Variants in GALNT13 observed in about 807,000 individuals in gnomAD.
GALNT13 encodes the protein UDP-GalNAc:polypeptide N-acetylgalactosaminyltransferase 13.
A neutral mutation model predicts 64.2 loss-of-function variants in GALNT13; 28 were observed. The ratio of observed to expected loss-of-function variants is 0.44; its 90% confidence interval spans 0.32 to 0.60. GALNT13 has a LOEUF of 0.60. GALNT13 is among the 20% of genes least tolerant of loss of function. The probability of loss-of-function intolerance (pLI) is 0.05; values close to 1 mark genes in which losing one functional copy is unlikely to be tolerated. For missense variants in GALNT13, 577 were observed against 669.8 expected (o/e 0.86, Z 1.53); for synonymous variants, 214 against 224.6 (o/e 0.95, Z 0.42).
chr2:153,131,588 G>A, the GALNT13 span, among the ~76,000 whole-genome samples: 2 of 152,102 alleles, frequency 1.3e-5, no homozygotes, highest in African/African-American at 4.8e-5. Flanking sequence ...TATATCCCAT[G>A]GGTGGAGCAC....
At chr2:153,952,345 TGTAA>T (rs1692253769) in intron 3 of GALNT13, among the ~76,000 whole-genome samples, 1 of 152,194 alleles carries the variant, frequency 6.6e-6, no homozygotes. Context: ...GGGCCTCAGT[TGTAA>T]TATGTAATAT....
At chr2:153,364,293 C>A in the GALNT13 span, among the ~76,000 whole-genome samples, 1 of 151,966 alleles carries the variant, frequency 6.6e-6, no homozygotes, top group African/African-American at 2.4e-5. Context: ...ACTGAATTGG[C>A]AAAACCTGGA....
At chr2:153,813,815 C>T in the GALNT13 span, among the ~76,000 whole-genome samples, 1 of 152,130 alleles carries the variant, frequency 6.6e-6, no homozygotes, top group South Asian at 2.1e-4. Flanking sequence ...TTATTTCTTA[C>T]AATTATATAG....
At chr2:153,580,315 A>C in the GALNT13 span, among the ~76,000 whole-genome samples, 1 of 152,228 alleles carries the variant, frequency 6.6e-6, no homozygotes, top group Admixed American at 6.5e-5. Context: ...CAACTTGAGC[A>C]AACATTTTCT....
chr2:153,457,066 A>G, the GALNT13 span, among the ~76,000 whole-genome samples: 1 of 152,196 alleles, frequency 6.6e-6, no homozygotes, highest in African/African-American at 2.4e-5. Context: ...TACTTTGAGC[A>G]AGTGCTGACT....
At chr2:153,757,110 C>T in the GALNT13 span, among the ~76,000 whole-genome samples, 1 of 152,060 alleles carries the variant, frequency 6.6e-6, no homozygotes, top group African/African-American at 2.4e-5. Flanking sequence ...ACATAACCAT[C>T]ACCTCAAAAA....
At chr2:153,930,405 G>T (rs1006706258) in intron 2 of GALNT13, among the ~76,000 whole-genome samples, 1 of 152,018 alleles carries the variant, frequency 6.6e-6, no homozygotes, top group Admixed American at 6.6e-5. Flanking sequence ...ATCTTTGCTG[G>T]GACCTATGTC....
At chr2:153,436,849 ACTT>A in the GALNT13 span, among the ~76,000 whole-genome samples, 1 of 151,818 alleles carries the variant, frequency 6.6e-6, no homozygotes, top group African/African-American at 2.4e-5. Context: ...GATCTTAGTT[ACTT>A]CTTGCCTTCT....
At chr2:153,345,639 C>CT in the GALNT13 span, among the ~76,000 whole-genome samples, 3 of 69,688 alleles carry the variant, frequency 4.3e-5, no homozygotes. Context: ...CTTTCTTTTT[C>CT]TTTCTTTCTT....
intron 3 of GALNT13, among the ~76,000 whole-genome samples, chr2:153,980,802 T>A (rs1694410185): frequency 6.6e-6 from 1 of 152,158 alleles, no homozygotes; most frequent in Non-Finnish European, 1.5e-5. Context: ...AGAGGTAGGC[T>A]TCCAAATAAT....
the GALNT13 span, among the ~76,000 whole-genome samples, chr2:153,786,874 G>A: frequency 1.3e-5 from 2 of 152,112 alleles, no homozygotes; most frequent in East Asian, 3.9e-4. Context: ...CCAAGGATAG[G>A]AGGCCGGTCC....
intron 4 of GALNT13, among the ~76,000 whole-genome samples, chr2:154,230,477 A>T (rs1048402679): frequency 3.9e-5 from 6 of 152,094 alleles, no homozygotes; most frequent in African/African-American, 1.4e-4. Context: ...TACTTTTATT[A>T]TCATTTATTT....
chr2:153,942,996 T>C (rs890826321), intron 2 of GALNT13, among the ~76,000 whole-genome samples: 4 of 152,200 alleles, frequency 2.6e-5, no homozygotes, highest in Admixed American at 2.0e-4. Flanking sequence ...CTGTCAAAAC[T>C]TCATCACTTA....
the GALNT13 span, among the ~76,000 whole-genome samples, chr2:153,734,110 T>C: frequency 6.6e-6 from 1 of 152,156 alleles, no homozygotes; most frequent in East Asian, 1.9e-4. Flanking sequence ...CCATGTTCCA[T>C]GCAACTCAAT....
the GALNT13 span, among the ~76,000 whole-genome samples, chr2:153,455,207 T>C: frequency 1.3e-5 from 2 of 152,256 alleles, no homozygotes; most frequent in Non-Finnish European, 2.9e-5. Context: ...AACTTCTTCA[T>C]ATTATGATAA....
intron 3 of GALNT13, among the ~76,000 whole-genome samples, chr2:153,983,208 T>C (rs1192199541): frequency 1.3e-5 from 2 of 151,908 alleles, no homozygotes; most frequent in Non-Finnish European, 2.9e-5. Flanking sequence ...AATATGAATG[T>C]TATTTTAATC....
At chr2:153,126,677 T>C in the GALNT13 span, among the ~76,000 whole-genome samples, 3 of 152,166 alleles carry the variant, frequency 2.0e-5, no homozygotes, top group African/African-American at 7.2e-5. Context: ...AGGATTTATT[T>C]GTCAGGCCCT....
intron 3 of GALNT13, among the ~76,000 whole-genome samples, chr2:154,077,075 A>G (rs1391115476): frequency 1.3e-5 from 2 of 151,794 alleles, no homozygotes; most frequent in East Asian, 3.9e-4. Context: ...AGGATAAATA[A>G]CAAAACACAC....
At chr2:153,569,490 C>T in the GALNT13 span, among the ~76,000 whole-genome samples, 15 of 150,160 alleles carry the variant, frequency 1.0e-4, no homozygotes, top group Admixed American at 6.7e-5. Flanking sequence ...AATGTCTTCT[C>T]CAACTATCTG....
Sources: allele counts gnomAD v4.1 joint callset (sites outside exome capture counted in the v4.1 genomes callset), GRCh38; gene constraint gnomAD v4.1.1; transcripts MANE v1.5; gene names NCBI Gene and HGNC (gene_info 2026-07-23, HGNC 2026-07-21).